Variants in ZFP82 observed in about 807,000 individuals in gnomAD.
The protein encoded by ZFP82 is zinc finger protein 82 homolog.
A neutral mutation model predicts 54.0 loss-of-function variants in ZFP82; 30 were observed. That is an observed-to-expected ratio of 0.56 (90% CI 0.42 to 0.75). ZFP82 has a LOEUF of 0.75. Ranked by LOEUF, ZFP82 falls within the 30% of genes least tolerant of loss-of-function variation. The pLI, the probability that ZFP82 is intolerant of heterozygous loss-of-function variation, is 0.00. For missense variants in ZFP82, 500 were observed against 636.8 expected (o/e 0.79, Z 2.31); for synonymous variants, 194 against 209.5 (o/e 0.93, Z 0.64).
chr19:36,416,295 T>C (rs996463785), intron 1 of ZFP82, among the ~76,000 whole-genome samples: 1 of 152,232 alleles, frequency 6.6e-6, no homozygotes, highest in Admixed American at 6.5e-5. Context: ...TCTAGGCCAG[T>C]AGATCTGAAT....
At chr19:36,413,383 C>T (rs1407913421) in intron 1 of ZFP82, among the ~76,000 whole-genome samples, 2 of 151,784 alleles carry the variant, frequency 1.3e-5, no homozygotes, top group African/African-American at 4.8e-5. Flanking sequence ...TGCACTTCAG[C>T]GTGGGCAACA....
chr19:36,389,118 C>T lies in ZFP82; in HGVS notation c.*3623G>A, dbSNP rs1247183290. Among the ~76,000 whole-genome samples the T allele has an allele frequency of 6.6e-6, 1 of 151,346 alleles. No individual in the cohort carries two copies. The highest frequency in any genetic ancestry group is 2.4e-5 in the African/African-American group (1 of 41,098). Reference sequence around the variant, plus strand: ...GCAGTGGTGTGATCTCAGCTCACTGCAACCTCCGCCTCCTGGGTTCAAGCG... The same window carrying T: ...GCAGTGGTGTGATCTCAGCTCACTGTAACCTCCGCCTCCTGGGTTCAAGCG... On this transcript the variant is annotated 3_prime_UTR_variant, in exon 5 of 5. Transcript: ENST00000392161.
rs1462206055 is a variant in ZFP82 at position 36,390,412 on chromosome 19, GTTGT to G, written c.*2325_*2328del. The G allele has an allele frequency of 6.8e-6, 1 of 146,398 alleles. No homozygotes were observed. Among genetic ancestry groups the G allele is most frequent in the Non-Finnish European group, 1.5e-5 (1 of 67,174 alleles). 9.1% of individuals were successfully genotyped at this position (146,398 alleles called of 1,614,324 possible). Reference sequence around the variant, plus strand: ...CAGAATTTCCCAAATTGTGCATTTGGTTGTTTGCTTCTTTGTGTTGTTAATTTGT... The same window carrying G: ...CAGAATTTCCCAAATTGTGCATTTGGTTGCTTCTTTGTGTTGTTAATTTGT... On this transcript the variant is annotated 3_prime_UTR_variant, in exon 5 of 5. Transcript: ENST00000392161.
chr19:36,408,642 A>G (rs997347507), intron 2 of ZFP82, among the ~76,000 whole-genome samples: 1 of 152,074 alleles, frequency 6.6e-6, no homozygotes, highest in African/African-American at 2.4e-5. Context: ...CAACAGGAGA[A>G]CCCTTGTTTC....
chr19:36,403,727 T>C (rs548761383), intron 4 of ZFP82, among the ~76,000 whole-genome samples: 11 of 152,140 alleles, frequency 7.2e-5, no homozygotes, highest in Admixed American at 4.6e-4. Flanking sequence ...CTAGAGTCTA[T>C]TATATCCATG....
chr19:36,387,894 G>A (rs1026685323), downstream of ZFP82, among the ~76,000 whole-genome samples: 4 of 152,220 alleles, frequency 2.6e-5, no homozygotes, highest in South Asian at 2.1e-4. Context: ...GATTCCAGGC[G>A]TGAGCCATCA....
At chr19:36,408,239 C>A (rs1257100040) in intron 2 of ZFP82, among the ~76,000 whole-genome samples, 1 of 151,902 alleles carries the variant, frequency 6.6e-6, no homozygotes, top group Non-Finnish European at 1.5e-5. Flanking sequence ...TATACTCTGG[C>A]AAATCTTAAT....
intron 1 of ZFP82, among the ~76,000 whole-genome samples, chr19:36,412,145 G>C (rs1490854326): frequency 6.6e-6 from 1 of 151,636 alleles, no homozygotes; most frequent in Non-Finnish European, 1.5e-5. Context: ...AAATACACAA[G>C]GACATATAAA....
downstream of ZFP82, among the ~76,000 whole-genome samples, chr19:36,386,746 G>A (rs2032119620): frequency 6.6e-6 from 1 of 152,190 alleles, no homozygotes; most frequent in African/African-American, 2.4e-5. Context: ...AGACCAGCCT[G>A]GCCAACATGG....
chr19:36,393,415 G>A lies in ZFP82; in HGVS notation c.925C>T (p.Leu309Phe). The A allele has an allele frequency of 6.2e-7, 1 of 1,614,028 alleles. No individual in the cohort carries two copies. Among genetic ancestry groups the A allele is most frequent in the South Asian group, 1.1e-5 (1 of 91,076 alleles). Residue 309 changes from leucine (L) to phenylalanine (F), a missense_variant, in exon 5 of 5, where the codon CTC (leucine) becomes TTC (phenylalanine). Transcript: ENST00000392161. ...RHQKLNSADR[L>F]YECKECGKAF... ...TTCCCACATTCTTTGCATTCATAGA[G>A]CCTGTCAGCACTATTAAGCTTCTGA...
At chr19:36,401,633 C>G (rs555630253) in intron 4 of ZFP82, among the ~76,000 whole-genome samples, 1 of 152,354 alleles carries the variant, frequency 6.6e-6, no homozygotes, top group Admixed American at 6.5e-5. Context: ...GCCTCAGTAT[C>G]GGTGCTTCCT....
intron 1 of ZFP82, among the ~76,000 whole-genome samples, chr19:36,418,039 T>C (rs777913950): frequency 1.3e-5 from 2 of 151,878 alleles, no homozygotes; most frequent in Non-Finnish European, 1.5e-5. Flanking sequence ...CCTCAGCCTC[T>C]CGAGTGGCTG....
chr19:36,393,949 C>G lies in ZFP82; in HGVS notation c.391G>C (p.Glu131Gln). 6.2e-7 allele frequency: 1 copy of G among 1,614,016 alleles called. No homozygotes were observed. Among genetic ancestry groups the G allele is most frequent in the Non-Finnish European group, 8.5e-7 (1 of 1,179,980 alleles). ...WESTGKIEGQ[E>Q]RPQEGYFSSV... is the part of the protein sequence containing the mutation. ...CTGAAGTATCCTTCTTGAGGTCTCT[C>G]CTGTCCTTCAATTTTTCCTGTGGAT... The change falls in exon 5 of 5, where the codon GAG becomes CAG. Residue 131 changes from glutamate to glutamine, a missense_variant. Glu to Gln is a conservative substitution (Grantham distance 29). Coordinates refer to ENST00000392161, the MANE Select transcript of ZFP82 (RefSeq NM_133466.4).
chr19:36,407,328 G>A (rs949943625), intron 3 of ZFP82, among the ~76,000 whole-genome samples: 48 of 151,818 alleles, frequency 3.2e-4, no homozygotes, highest in Non-Finnish European at 5.4e-4. Context: ...CGCCCGCCTC[G>A]GCCTCCCAAA....
chr19:36,413,736 C>A (rs2032617966), intron 1 of ZFP82, among the ~76,000 whole-genome samples: 2 of 152,018 alleles, frequency 1.3e-5, no homozygotes, highest in African/African-American at 2.4e-5. Context: ...GTCTCAGTTT[C>A]CTCAGATATA....
At position 36,402,189 on chromosome 19, in the gene ZFP82, C is replaced by T. The variant is rs538692395; in HGVS notation, c.229+3391G>A. 3.9e-5 allele frequency among the ~76,000 whole-genome samples: 6 copies of T among 152,260 alleles called. No homozygotes were observed. In the South Asian group the frequency reaches 1.2e-3, roughly 32 times the overall value. ...GTGAATTTTAAAATAGATTAGGAGG[C>T]CGGGCACAGTGGCTCACGCCTGTAA... On this transcript the variant is annotated intron_variant, in intron 4 of 4. Transcript: ENST00000392161.
chr19:36,403,932 G>A (rs1006277455), intron 4 of ZFP82, among the ~76,000 whole-genome samples: 1 of 152,044 alleles, frequency 6.6e-6, no homozygotes, highest in Non-Finnish European at 1.5e-5. Context: ...GAGAAAAGTT[G>A]GGGGAAAAAA....
In ZFP82 at chr19:36,393,214, T is replaced by G; in HGVS notation, c.1126A>C (p.Ser376Arg). The G allele has an allele frequency of 6.2e-7, 1 of 1,614,110 alleles. No homozygotes were observed. Among genetic ancestry groups the G allele is most frequent in the Non-Finnish European group, 8.5e-7 (1 of 1,180,014 alleles). The change falls in exon 5 of 5, where the codon AGC (serine) becomes CGC (arginine). Residue 376 changes from serine to arginine, a missense_variant. By Grantham distance (110) the Ser-to-Arg change is moderately radical (BLOSUM62 -1). Coordinates refer to ENST00000392161, the MANE Select transcript of ZFP82 (RefSeq NM_133466.4). The stretch of plus-strand genomic sequence containing the variant: ...TGGAGAATAAGATGATAACCACGGC[T>G]AAAGGTCTTTCCACATTCCTTACAT... The part of the protein sequence containing the change: ...YECKECGKTF[S>R]RGYHLILHHR...
intron 4 of ZFP82, among the ~76,000 whole-genome samples, chr19:36,403,661 AAG>A (rs1186100552): frequency 1.3e-5 from 2 of 151,836 alleles, no homozygotes; most frequent in African/African-American, 4.8e-5. Flanking sequence ...AAGAGCTGCA[AAG>A]AGAGATGAAA....
Sources: gnomAD v4.1 joint callset for allele counts (sites outside exome capture counted in the v4.1 genomes callset) on GRCh38, gnomAD v4.1.1 for gene constraint, MANE v1.5 for transcripts, NCBI Gene and HGNC (gene_info 2026-07-23, HGNC 2026-07-21) for gene names.